The following ACSL4 variants were observed in gnomAD, a reference collection of about 807,000 sequenced individuals.
The protein encoded by ACSL4 is acyl-CoA synthetase long chain family member 4, also known as long-chain-fatty-acid--CoA ligase 4.
A neutral mutation model predicts 49.1 loss-of-function variants in ACSL4; 9 were observed. The observed-to-expected ratio is 0.18, with a 90% CI of 0.11 to 0.32. The LOEUF (loss-of-function observed/expected upper bound fraction) is 0.32. Ranked by LOEUF, ACSL4 falls within the 10% of genes least tolerant of loss-of-function variation. The pLI is 1.00. For synonymous variants in ACSL4, 191 were observed against 170.3 expected (o/e 1.12, Z -0.95); for missense variants, 333 against 493.7 (o/e 0.67, Z 3.08).
chrX:109,697,012 C>G (rs1925487846), intron 1 of ACSL4, among the ~76,000 whole-genome samples: 1 of 110,871 alleles, frequency 9.0e-6, no homozygotes, highest in Admixed American at 9.6e-5. Flanking sequence ...CCACTGCACT[C>G]CAGCCTGTGC....
chrX:109,693,330 C>T lies in ACSL4; in HGVS notation c.-13+2814G>A, dbSNP rs73536324. Among the ~76,000 whole-genome samples, 551 of 111,104 alleles carry T rather than the reference C, an allele frequency of 5.0e-3. 6 individuals are homozygous for T. Among genetic ancestry groups the T allele is most frequent in the African/African-American group, 0.017 (531 of 30,627 alleles). ...CTTAGAAGTGATTCTAATTAAATAA[C>T]TCAAAGACTGATAAATCTGTTGAAT... On this transcript the variant is annotated intron_variant, in intron 2 of 15. Transcript: ENST00000672401.
At chrX:109,730,516 C>T (rs954234537) in intron 1 of ACSL4, among the ~76,000 whole-genome samples, 2 of 111,947 alleles carry the variant, frequency 1.8e-5, no homozygotes, top group African/African-American at 6.5e-5. Flanking sequence ...GTACATCTGT[C>T]TCTCCACATG....
intron 1 of ACSL4, among the ~76,000 whole-genome samples, chrX:109,730,700 T>G (rs943805208): frequency 1.8e-5 from 2 of 112,517 alleles, no homozygotes; most frequent in Admixed American, 9.4e-5. Flanking sequence ...CCAATTACAG[T>G]TGTAAGGCAG....
At chrX:109,649,183 T>A (rs1179887490) in intron 15 of ACSL4, among the ~76,000 whole-genome samples, 1 of 111,045 alleles carries the variant, frequency 9.0e-6, no homozygotes, top group Non-Finnish European at 1.9e-5. Flanking sequence ...TACTTTAAAG[T>A]TCATATGGAA....
chrX:109,699,270 G>A (rs181050418), intron 1 of ACSL4, among the ~76,000 whole-genome samples: 120 of 111,901 alleles, frequency 1.1e-3, no homozygotes, highest in African/African-American at 3.5e-3. Flanking sequence ...GGGAGGCTGC[G>A]GCAGGAGAAT....
chrX:109,672,497 A>G (rs1291161774), intron 9 of ACSL4, among the ~76,000 whole-genome samples: 1 of 111,913 alleles, frequency 8.9e-6, no homozygotes, highest in African/African-American at 3.3e-5. Context: ...CATGATGTTC[A>G]ATGGAGCCAC....
intron 15 of ACSL4, among the ~76,000 whole-genome samples, chrX:109,651,764 A>T (rs772292737): frequency 3.6e-5 from 4 of 112,114 alleles, no homozygotes; most frequent in Non-Finnish European, 5.6e-5. Flanking sequence ...AGGCAAACAC[A>T]TTATTTCAGT....
intron 9 of ACSL4, among the ~76,000 whole-genome samples, chrX:109,669,969 T>G (rs1456666781): frequency 1.8e-5 from 2 of 111,589 alleles, no homozygotes; most frequent in Non-Finnish European, 1.9e-5. Flanking sequence ...AAGAACACGA[T>G]TCTTGCTCAC....
intron 1 of ACSL4, among the ~76,000 whole-genome samples, chrX:109,713,066 TGAAGGGAA>T (rs1176482396): frequency 5.1e-5 from 5 of 97,253 alleles, no homozygotes; most frequent in African/African-American, 1.9e-4. Context: ...GAAGGAGGGA[TGAAGGGAA>T]GAAGGGAAGA....
At chrX:109,706,078 C>T (rs1201922869) in intron 1 of ACSL4, among the ~76,000 whole-genome samples, 1 of 112,674 alleles carries the variant, frequency 8.9e-6, no homozygotes, top group Non-Finnish European at 1.9e-5. Flanking sequence ...TACTATAACA[C>T]AAATAAATTA....
At chrX:109,681,177 G>T (rs1475604362) in intron 5 of ACSL4, 41 bp from the exon 6 acceptor site, 2 of 1,207,322 alleles carry the variant, frequency 1.7e-6, no homozygotes, top group African/African-American at 3.5e-5. Context: ...TTAAACTTAA[G>T]CCTGCAACAA....
At chrX:109,673,236 TAAG>T (rs1923416172) in intron 9 of ACSL4, among the ~76,000 whole-genome samples, 2 of 111,921 alleles carry the variant, frequency 1.8e-5, no homozygotes, top group South Asian at 7.5e-4. Context: ...CCATAGTGGT[TAAG>T]AAGACTGATA....
chrX:109,720,644 T>C (rs1603412071), intron 1 of ACSL4, among the ~76,000 whole-genome samples: 1 of 112,137 alleles, frequency 8.9e-6, no homozygotes. Context: ...GCTTCCCATC[T>C]ACAGGTTGCT....
At chrX:109,692,702 C>A (rs1341461688) in intron 2 of ACSL4, among the ~76,000 whole-genome samples, 1 of 111,712 alleles carries the variant, frequency 9.0e-6, no homozygotes, top group Non-Finnish European at 1.9e-5. Flanking sequence ...AATTAAACTG[C>A]CCATTGTACC....
At chrX:109,677,239 G>A (rs888695388) in intron 8 of ACSL4, among the ~76,000 whole-genome samples, 6 of 109,804 alleles carry the variant, frequency 5.5e-5, no homozygotes, top group African/African-American at 2.0e-4. Flanking sequence ...TGGGATTACA[G>A]GCATGAGCCA....
intron 1 of ACSL4, among the ~76,000 whole-genome samples, chrX:109,727,657 TTGTGTGTG>T (rs35186119): frequency 0.04 from 3,524 of 88,285 alleles, 133 homozygotes; most frequent in African/African-American, 0.095. Flanking sequence ...GTTTGTTAAA[TTGTGTGTG>T]TGTGTGTGTG....
intron 1 of ACSL4, among the ~76,000 whole-genome samples, chrX:109,730,347 G>T (rs1173648024): frequency 8.9e-6 from 1 of 112,070 alleles, no homozygotes; most frequent in Non-Finnish European, 1.9e-5. Flanking sequence ...TTTGCTAAAG[G>T]CTCAGCAATT....
At chrX:109,648,651 CAG>C (rs1432862036) in intron 15 of ACSL4, among the ~76,000 whole-genome samples, 3 of 111,170 alleles carry the variant, frequency 2.7e-5, no homozygotes, top group Admixed American at 1.9e-4. Flanking sequence ...TCCTATTCAA[CAG>C]AGTGTTGGAA....
intron 13 of ACSL4, among the ~76,000 whole-genome samples, chrX:109,662,692 A>G (rs762428099): frequency 1.3e-4 from 15 of 111,466 alleles, no homozygotes; most frequent in Non-Finnish European, 2.8e-4. Context: ...AAGGATTGAT[A>G]TTAATTTTCT....
Sources: gnomAD v4.1 joint callset for allele counts (sites outside exome capture counted in the v4.1 genomes callset) on GRCh38, gnomAD v4.1.1 for gene constraint, MANE v1.5 for transcripts, NCBI Gene and HGNC (gene_info 2026-07-23, HGNC 2026-07-21) for gene names.